Variants in RSRC1 observed in about 807,000 individuals in gnomAD.
RSRC1 encodes the protein serine/Arginine-related protein 53.
Under a neutral mutation model 49.1 loss-of-function variants are expected in RSRC1, and 39 were observed. That is an observed-to-expected ratio of 0.79 (90% CI 0.61 to 1.04). The LOEUF (loss-of-function observed/expected upper bound fraction) is 1.04. Among genes scored for constraint, RSRC1 ranks in the 50% least tolerant of loss-of-function variants. The pLI is 0.00. For synonymous variants in RSRC1, 143 were observed against 130.8 expected, an observed-to-expected ratio of 1.09 and a Z score of -0.63; for missense variants, 388 against 402.4, an observed-to-expected ratio of 0.96 and a Z score of 0.31.
At chr3:158,268,770 A>G (rs1725346979) in intron 4 of RSRC1, among the ~76,000 whole-genome samples, 1 of 152,218 alleles carries the variant, frequency 6.6e-6, no homozygotes, top group Non-Finnish European at 1.5e-5. Flanking sequence ...TTTAAGTTAC[A>G]TTAAAACAAA....
At chr3:158,238,606 A>G (rs60338827) in intron 4 of RSRC1, among the ~76,000 whole-genome samples, 2,432 of 152,320 alleles carry the variant, frequency 0.016, 83 homozygotes, top group African/African-American at 0.056. Flanking sequence ...GACAAAAACA[A>G]GAAATGGGGA....
At chr3:158,257,195 C>T (rs931952423) in intron 4 of RSRC1, among the ~76,000 whole-genome samples, 1 of 152,138 alleles carries the variant, frequency 6.6e-6, no homozygotes, top group Non-Finnish European at 1.5e-5. Flanking sequence ...TTCCTGCTTT[C>T]TCTTGTGGGC....
rs1229438499 is a variant in RSRC1, at chr3:158,122,236, A to G, written c.132A>G (p.Ser44=). The G allele has an allele frequency of 1.9e-6, 3 of 1,605,466 alleles. No homozygotes were observed. The highest frequency in any genetic ancestry group is 2.7e-5 in the African/African-American group (2 of 74,422). Residue 44 remains serine, a synonymous_variant, in exon 2 of 10, where the codon TCA becomes TCG. Transcript: ENST00000611884. The stretch of plus-strand genomic sequence containing the variant: ...GCCGAAAGAAAGGAGGAAGGAAATC[A>G]AGATCAAAGTCAAGATCTTGGTCCA... ...TYSRKKGGRK[S]RSKSRSWSRD...
At chr3:158,122,009 A>T in intron 1 of RSRC1, 94 bp from the exon 2 acceptor site, 1 of 692,708 alleles carries the variant, frequency 1.4e-6, no homozygotes, top group East Asian at 3.4e-5. Context: ...CATCTCTAAA[A>T]TAAATAAATA....
chr3:158,261,210 A>G (rs1027173073), intron 4 of RSRC1, among the ~76,000 whole-genome samples: 1 of 152,222 alleles, frequency 6.6e-6, no homozygotes, highest in African/African-American at 2.4e-5. Context: ...TGGTTGTGCC[A>G]TATTACAATT....
chr3:158,388,831 G>C (rs548927649), intron 6 of RSRC1, among the ~76,000 whole-genome samples: 100 of 152,072 alleles, frequency 6.6e-4, no homozygotes, highest in African/African-American at 2.0e-3. Context: ...GGATGGTCTC[G>C]ATCTCCTGAC....
intron 6 of RSRC1, among the ~76,000 whole-genome samples, chr3:158,418,328 C>G (rs1734858064): frequency 6.6e-6 from 1 of 151,950 alleles, no homozygotes; most frequent in Non-Finnish European, 1.5e-5. Context: ...TCTCATGGGT[C>G]TGCTTGAATC....
chr3:158,291,406 C>G (rs1204346521), intron 4 of RSRC1, among the ~76,000 whole-genome samples: 1 of 152,070 alleles, frequency 6.6e-6, no homozygotes, highest in Non-Finnish European at 1.5e-5. Flanking sequence ...TTTTGGCTTG[C>G]TCTTTGAAAT....
intron 6 of RSRC1, among the ~76,000 whole-genome samples, chr3:158,376,082 C>CCCTT (rs1378455437): frequency 6.9e-6 from 1 of 145,904 alleles, no homozygotes; most frequent in Admixed American, 6.8e-5. Flanking sequence ...CTCTCGACCC[C>CCCTT]CCTTCCTTCC....
At chr3:158,213,327 G>C (rs114190585) in intron 4 of RSRC1, among the ~76,000 whole-genome samples, 1 of 151,756 alleles carries the variant, frequency 6.6e-6, no homozygotes, top group Admixed American at 6.6e-5. Context: ...TGTAAATGTC[G>C]TCAACATATC....
chr3:158,401,931 G>T (rs1383201254), intron 6 of RSRC1, among the ~76,000 whole-genome samples: 1 of 151,822 alleles, frequency 6.6e-6, no homozygotes, highest in Non-Finnish European at 1.5e-5. Context: ...ATGTGGAAAT[G>T]AACAGTTCAC....
chr3:158,518,091 CGTGCGTGT>C (rs1487293796), intron 7 of RSRC1, among the ~76,000 whole-genome samples: 3 of 80,890 alleles, frequency 3.7e-5, no homozygotes, highest in African/African-American at 1.1e-4. Context: ...TACGTAAGTG[CGTGCGTGT>C]GTGTGTGTGT....
In RSRC1 at chr3:158,478,038, G is replaced by A. The variant is rs114797938; in HGVS notation, c.652+17035G>A. Reference sequence around the variant, plus strand: ...CTCAGCACTGTACTTCAGCCTAGACGACAGAGTGAAACCCCCATCTCTAAA... The same window carrying A: ...CTCAGCACTGTACTTCAGCCTAGACAACAGAGTGAAACCCCCATCTCTAAA... On this transcript the variant is annotated intron_variant, in intron 7 of 9. Coordinates refer to ENST00000611884, the MANE Select transcript of RSRC1 (RefSeq NM_001271838.2). 2.0e-3 allele frequency among the ~76,000 whole-genome samples: 305 copies of A among 150,502 alleles called. 2 individuals are homozygous for A. Among genetic ancestry groups the A allele is most frequent in the African/African-American group, 7.1e-3 (293 of 40,992 alleles).
chr3:158,236,880 C>A (rs1046400359), intron 4 of RSRC1, among the ~76,000 whole-genome samples: 1 of 152,024 alleles, frequency 6.6e-6, no homozygotes, highest in Non-Finnish European at 1.5e-5. Flanking sequence ...AGTTCATTGG[C>A]AGTAGTAAAG....
intron 5 of RSRC1, among the ~76,000 whole-genome samples, chr3:158,351,744 A>G (rs1730886175): frequency 6.6e-6 from 1 of 151,898 alleles, no homozygotes; most frequent in African/African-American, 2.4e-5. Context: ...ATTTACAAGT[A>G]GAGGCAAGTT....
intron 7 of RSRC1, among the ~76,000 whole-genome samples, chr3:158,529,200 A>G (rs7624184): frequency 0.33 from 44,582 of 136,152 alleles, 7,039 homozygotes; most frequent in South Asian, 0.43. Flanking sequence ...TTATGTATAT[A>G]TGTATGTGTG....
At chr3:158,418,486 G>C (rs761370586) in intron 6 of RSRC1, among the ~76,000 whole-genome samples, 6 of 151,892 alleles carry the variant, frequency 4.0e-5, no homozygotes, top group Non-Finnish European at 8.8e-5. Context: ...AGTGCAGATT[G>C]ATACTCTACA....
At chr3:158,201,162 T>C (rs1461661168) in intron 3 of RSRC1, among the ~76,000 whole-genome samples, 1 of 152,194 alleles carries the variant, frequency 6.6e-6, no homozygotes, top group African/African-American at 2.4e-5. Flanking sequence ...TTCACCATGT[T>C]AAGAATTTCA....
chr3:158,307,065 A>G (rs1215993972), intron 5 of RSRC1, among the ~76,000 whole-genome samples: 2 of 151,560 alleles, frequency 1.3e-5, no homozygotes, highest in Non-Finnish European at 3.0e-5. Flanking sequence ...TAAAAGCAAG[A>G]TGCGAAAGCT....
Sources: gnomAD v4.1 joint callset for allele counts (sites outside exome capture counted in the v4.1 genomes callset) on GRCh38, gnomAD v4.1.1 for gene constraint, MANE v1.5 for transcripts, NCBI Gene and HGNC (gene_info 2026-07-23, HGNC 2026-07-21) for gene names.